Variants in CUBN observed in about 807,000 individuals in gnomAD.
CUBN encodes the protein cubilin, also known as 460 kDa receptor.
CUBN carries 282 observed loss-of-function variants against 405.3 expected under a neutral mutation model. The observed-to-expected ratio is 0.70, with a 90% confidence interval of 0.63 to 0.77. CUBN has a LOEUF of 0.77. Ranked by LOEUF, CUBN falls within the 30% of genes least tolerant of loss-of-function variation. CUBN has a pLI of 0.00. For missense variants in CUBN, 4,514 were observed against 4,475.2 expected, an observed-to-expected ratio of 1.01 and a Z score of -0.25; for synonymous variants, 1,684 against 1,617.0, an observed-to-expected ratio of 1.04 and a Z score of -0.99.
At chr10:16,952,444 G>A (rs1378370321) in intron 32 of CUBN, 55 bp from the exon 33 acceptor site, 22 of 1,043,874 alleles carry the variant, frequency 2.1e-5, no homozygotes, top group East Asian at 1.2e-4. Flanking sequence ...TCTACTGACC[G>A]TACAAAACAA....
intron 31 of CUBN, among the ~76,000 whole-genome samples, chr10:16,958,839 T>C (rs532336445): frequency 1.1e-4 from 16 of 152,304 alleles, no homozygotes; most frequent in African/African-American, 3.4e-4. Context: ...TGTGATACCA[T>C]AGAATACCTG....
chr10:17,018,187 AG>A (rs1231853425), intron 28 of CUBN, among the ~76,000 whole-genome samples: 3 of 152,178 alleles, frequency 2.0e-5, no homozygotes, highest in African/African-American at 4.8e-5. Context: ...TAACTGGCCA[AG>A]AGGTGCCCGG....
chr10:17,018,707 C>A (rs1259448817), intron 28 of CUBN, among the ~76,000 whole-genome samples: 2 of 152,066 alleles, frequency 1.3e-5, no homozygotes, highest in Non-Finnish European at 1.5e-5. Context: ...TTACAGAGCA[C>A]TGATTGGTCC....
At chr10:16,937,473 T>C (rs1842542576) in intron 39 of CUBN, 119 bp downstream of exon 39, 1 of 782,380 alleles carries the variant, frequency 1.3e-6, no homozygotes. Flanking sequence ...GAACATATGG[T>C]GGAAGGGCTT....
At position 17,008,463 on chromosome 10, in the gene CUBN, T is replaced by TGTGTGTGTGC. The variant is rs1320524546; in HGVS notation, c.4168+11369_4168+11370insGCACACACAC. Among the ~76,000 whole-genome samples, 87 of 145,660 alleles carry TGTGTGTGTGC rather than the reference T, an allele frequency of 6.0e-4. 2 individuals are homozygous for TGTGTGTGTGC. The highest frequency in any genetic ancestry group is 3.5e-3 in the Middle Eastern group (1 of 282). ...GTGTGTGTGTGTGTGTGTGTGTGTG[T>TGTGTGTGTGC]GCGCGCTTAGCCACATTATGTGCTT... is the stretch of plus-strand genomic sequence containing the variant. On this transcript the variant is annotated intron_variant, in intron 28 of 66. Transcript: ENST00000377833.
Position 16,987,487 on chromosome 10 carries a change from C to T in CUBN, c.4350+2847G>A, listed in dbSNP as rs573564073. Among the ~76,000 whole-genome samples, 125 of 152,228 alleles carry T rather than the reference C, an allele frequency of 8.2e-4. 2 individuals are homozygous for T. Among genetic ancestry groups the T allele is most frequent in the African/African-American group, 3.9e-4 (16 of 41,542 alleles). ...TATTGTTACAATCAAGTCAGCATTC[C>T]GGGGTTATGAGTAACCAAACAGCTG... On this transcript the variant is annotated intron_variant, in intron 29 of 66. Coordinates refer to ENST00000377833, the MANE Select transcript of CUBN (RefSeq NM_001081.4).
At chr10:16,930,517 T>C (rs1842332255) in intron 40 of CUBN, among the ~76,000 whole-genome samples, 1 of 152,224 alleles carries the variant, frequency 6.6e-6, no homozygotes, top group South Asian at 2.1e-4. Context: ...AAAGTACACT[T>C]AAGATCTGGA....
Position 17,123,364 on chromosome 10 carries a change from T to C in CUBN, c.489+224A>G, listed in dbSNP as rs1837090858. On this transcript the variant is annotated intron_variant, in intron 5 of 66. Coordinates refer to ENST00000377833, the MANE Select transcript of CUBN (RefSeq NM_001081.4). Reference sequence around the variant, plus strand: ...AATATTGTGTTCTTCCAGGCAGTTATCCAATCAAGTGAACCTCTCCTTTCA... The same window carrying C: ...AATATTGTGTTCTTCCAGGCAGTTACCCAATCAAGTGAACCTCTCCTTTCA... 5 of 597,310 alleles carry C rather than the reference T, an allele frequency of 8.4e-6. No individual in the cohort carries two copies. The South Asian group carries it at 1.0e-4, about 12-fold the overall frequency. The allele number at this position is 597,310 out of a possible 1,614,324, so 37.0% of individuals were successfully genotyped here.
In CUBN at chr10:16,855,395, C is replaced by T. The variant is rs563712115; in HGVS notation, c.9455-3952G>A. On this transcript the variant is annotated intron_variant, in intron 59 of 66. Transcript: ENST00000377833. ...TCATGAAGCAGCCAGAGGCCTTAAA[C>T]GTGCTTACGTTTTGTTCTTGTTTTT... Among the ~76,000 whole-genome samples the T allele has an allele frequency of 2.6e-5, 4 of 152,194 alleles. No individual in the cohort carries two copies. The South Asian group carries it at 6.2e-4, about 24-fold the overall frequency.
At chr10:17,058,903 C>T (rs1349545294) in intron 22 of CUBN, among the ~76,000 whole-genome samples, 1 of 151,880 alleles carries the variant, frequency 6.6e-6, no homozygotes, top group Non-Finnish European at 1.5e-5. Context: ...GTATCTATGC[C>T]TTTTATTTTA....
rs970920294 is a variant in CUBN at position 17,005,093 on chromosome 10, C to G, written c.4169-14578G>C. ...GCCAGAACTCTTATTCTAAAGTGTA[C>G]TTCTGTTTGCATCACTAAATTTCCC... On this transcript the variant is annotated intron_variant, in intron 28 of 66. Transcript: ENST00000377833. Among the ~76,000 whole-genome samples the G allele has an allele frequency of 2.6e-5, 4 of 152,132 alleles. No homozygotes were observed. The South Asian group carries it at 8.3e-4, about 31-fold the overall frequency.
chr10:16,947,958 C>T (rs1269474328), intron 35 of CUBN, among the ~76,000 whole-genome samples: 1 of 152,192 alleles, frequency 6.6e-6, no homozygotes, highest in Non-Finnish European at 1.5e-5. Context: ...CACCTGTAAT[C>T]CCACCACTTT....
chr10:16,880,802 T>A (rs1840647619), intron 56 of CUBN, among the ~76,000 whole-genome samples: 1 of 152,208 alleles, frequency 6.6e-6, no homozygotes. Flanking sequence ...CATTTTTAAA[T>A]TAACCTCAAA....
chr10:17,074,356 T>C (rs984602043), intron 17 of CUBN, among the ~76,000 whole-genome samples: 2 of 152,108 alleles, frequency 1.3e-5, no homozygotes, highest in African/African-American at 2.4e-5. Flanking sequence ...ACAGCAATCA[T>C]GGGGCATTAC....
At position 16,907,631 on chromosome 10, in the gene CUBN, TAC is replaced by T; in HGVS notation, c.7580_7581del (p.Cys2527Ter). The T allele has an allele frequency of 1.2e-6, 2 of 1,612,812 alleles. No individual in the cohort carries two copies. Among genetic ancestry groups the T allele is most frequent in the East Asian group, 4.5e-5 (2 of 44,888 alleles). On this transcript the variant is annotated frameshift_variant, in exon 49 of 67. Coordinates refer to ENST00000377833, the MANE Select transcript of CUBN (RefSeq NM_001081.4). LOFTEE classifies it high-confidence loss of function. ...RSNSPQLEKLCSSVNVSNEIK... is the reference protein window; with the variant it reads ...RSNSPQLEKLXSSVNVSNEIK... ...ATCTCATTGCTTACATTCACACTAC[TAC>T]ACAGTTTCTCTAGCTGGGGTGAGTT... is the stretch of plus-strand genomic sequence containing the variant.
At chr10:16,901,558 T>C in intron 51 of CUBN, 99 bp from the exon 52 acceptor site, 4 of 1,502,004 alleles carry the variant, frequency 2.7e-6, no homozygotes, top group Non-Finnish European at 2.7e-6. Context: ...ATTTTGTGAT[T>C]AAAAACATAG....
intron 59 of CUBN, among the ~76,000 whole-genome samples, chr10:16,857,857 G>A (rs1440039148): frequency 6.6e-6 from 1 of 152,106 alleles, no homozygotes; most frequent in Non-Finnish European, 1.5e-5. Context: ...AGAGAGACTG[G>A]AAAGGAAGAA....
At chr10:17,008,440 G>GTGTGTGTGTA (rs1834091163) in intron 28 of CUBN, among the ~76,000 whole-genome samples, 1 of 143,706 alleles carries the variant, frequency 7.0e-6, no homozygotes, top group African/African-American at 2.7e-5. Context: ...GTGTGTGTGT[G>GTGTGTGTGTA]TGTGTGTGTG....
chr10:16,888,656 CTATAGACATAG>C, intron 55 of CUBN, 90 bp from the exon 56 acceptor site: 1 of 1,095,198 alleles, frequency 9.1e-7, no homozygotes, highest in Non-Finnish European at 1.4e-6. Flanking sequence ...CCTAAATTAT[CTATAGACATAG>C]TTCCCTGAGA....
Sources: gnomAD v4.1 joint callset for allele counts (sites outside exome capture counted in the v4.1 genomes callset) on GRCh38, gnomAD v4.1.1 for gene constraint, MANE v1.5 for transcripts, NCBI Gene and HGNC (gene_info 2026-07-23, HGNC 2026-07-21) for gene names.